Variants in NSMCE2 observed in about 807,000 individuals in gnomAD.
NSMCE2 encodes the protein NSE2 SUMO ligase component of SMC5/6 complex.
A neutral mutation model predicts 23.8 loss-of-function variants in NSMCE2; 24 were observed. That is an observed-to-expected ratio of 1.01 (90% CI 0.73 to 1.42). NSMCE2 has a LOEUF of 1.42. Among genes scored for constraint, NSMCE2 ranks in the 40% most tolerant of loss-of-function variants. NSMCE2 has a pLI of 0.00. For synonymous variants in NSMCE2, 92 were observed against 94.1 expected (o/e 0.98, Z 0.13); for missense variants, 284 against 296.5 (o/e 0.96, Z 0.31).
At chr8:125,167,590 G>A (rs1253499949) in intron 4 of NSMCE2, among the ~76,000 whole-genome samples, 4 of 151,974 alleles carry the variant, frequency 2.6e-5, no homozygotes, top group African/African-American at 9.7e-5. Context: ...AGCTGAGATC[G>A]TGCTACTGCA....
intron 5 of NSMCE2, among the ~76,000 whole-genome samples, chr8:125,260,140 C>G (rs1402076910): frequency 6.6e-6 from 1 of 152,192 alleles, no homozygotes; most frequent in African/African-American, 2.4e-5. Context: ...ACACACCCTA[C>G]TACACGACTC....
At chr8:125,313,739 G>T (rs1463809272) in intron 5 of NSMCE2, among the ~76,000 whole-genome samples, 1 of 152,160 alleles carries the variant, frequency 6.6e-6, no homozygotes, top group Non-Finnish European at 1.5e-5. Flanking sequence ...GACAAAGTGT[G>T]ACACTGTTCA....
chr8:125,156,161 G>A (rs1343735435), intron 4 of NSMCE2: 10 of 216,236 alleles, frequency 4.6e-5, no homozygotes, highest in South Asian at 4.4e-4. Flanking sequence ...TCAGAGTTTA[G>A]CAAAAGTAAC....
intron 5 of NSMCE2, among the ~76,000 whole-genome samples, chr8:125,345,923 A>T (rs566199078): frequency 3.9e-5 from 6 of 152,244 alleles, no homozygotes; most frequent in Non-Finnish European, 8.8e-5. Context: ...TGGGAGGCCA[A>T]GGCAGGCAGA....
chr8:125,194,892 T>G (rs1823539989), intron 5 of NSMCE2, among the ~76,000 whole-genome samples: 1 of 152,180 alleles, frequency 6.6e-6, no homozygotes. Context: ...TATTTAAATT[T>G]TTCATATAAT....
chr8:125,120,077 A>G (rs1477555132), intron 3 of NSMCE2, among the ~76,000 whole-genome samples: 5 of 152,228 alleles, frequency 3.3e-5, no homozygotes, highest in East Asian at 1.9e-4. Flanking sequence ...CATATAATCA[A>G]TATGAAAGTT....
At chr8:125,276,779 A>G (rs1472629859) in intron 5 of NSMCE2, among the ~76,000 whole-genome samples, 2 of 152,364 alleles carry the variant, frequency 1.3e-5, no homozygotes, top group East Asian at 1.9e-4. Flanking sequence ...AGACAAGCAA[A>G]TGGAATCTCA....
At chr8:125,169,924 G>T (rs1822092823) in intron 4 of NSMCE2, among the ~76,000 whole-genome samples, 2 of 151,230 alleles carry the variant, frequency 1.3e-5, no homozygotes, top group South Asian at 2.1e-4. Context: ...TCTACTGGGA[G>T]TGCTTTTTTT....
intron 5 of NSMCE2, among the ~76,000 whole-genome samples, chr8:125,309,248 C>CAAAAAAA (rs111355815): frequency 4.6e-5 from 3 of 65,518 alleles, no homozygotes; most frequent in Non-Finnish European, 7.4e-5. Context: ...AACTCTGTCT[C>CAAAAAAA]AAAAAAAAAA....
chr8:125,316,665 TC>T (rs1387998127), intron 5 of NSMCE2, among the ~76,000 whole-genome samples: 8 of 145,566 alleles, frequency 5.5e-5, no homozygotes, highest in Non-Finnish European at 1.1e-4. Flanking sequence ...TTTCCTTCCT[TC>T]CTTCTTTCCT....
chr8:125,212,194 T>C (rs568078104), intron 5 of NSMCE2, among the ~76,000 whole-genome samples: 2 of 152,224 alleles, frequency 1.3e-5, no homozygotes, highest in Non-Finnish European at 2.9e-5. Context: ...CTCAGGCTCT[T>C]TGCTACCGAC....
intron 5 of NSMCE2, among the ~76,000 whole-genome samples, chr8:125,290,511 C>G (rs1156527218): frequency 1.3e-5 from 2 of 152,032 alleles, no homozygotes; most frequent in African/African-American, 4.8e-5. Context: ...TTTGCCTGAC[C>G]ACCTGGCAGA....
chr8:125,259,888 C>T (rs1826613195), intron 5 of NSMCE2, among the ~76,000 whole-genome samples: 1 of 152,194 alleles, frequency 6.6e-6, no homozygotes, highest in South Asian at 2.1e-4. Flanking sequence ...CTTCTGACTT[C>T]TAGCTCTTTT....
At chr8:125,166,557 G>T (rs761243459) in intron 4 of NSMCE2, among the ~76,000 whole-genome samples, 6 of 152,158 alleles carry the variant, frequency 3.9e-5, no homozygotes, top group Non-Finnish European at 7.4e-5. Flanking sequence ...GTGAGCCACC[G>T]CGCCTGGCCC....
intron 4 of NSMCE2, among the ~76,000 whole-genome samples, chr8:125,181,374 G>A (rs531469364): frequency 6.6e-6 from 1 of 152,240 alleles, no homozygotes; most frequent in East Asian, 1.9e-4. Flanking sequence ...AAAGAACAGG[G>A]TTGAGAATGG....
At position 125,357,771 on chromosome 8, in the gene NSMCE2, C is replaced by A. The variant is rs111359849; in HGVS notation, c.579C>A (p.Ala193=). ...GTGGCCACACCTATGAAGAGGACGC[C>A]ATTGTTCGCATGATTGAGTCCAGGC... The part of the protein sequence containing the change: ...KVCGHTYEED[A]IVRMIESRQK... Residue 193 remains alanine (A), a synonymous_variant, in exon 7 of 8, where the codon GCC becomes GCA. Coordinates refer to ENST00000287437, the MANE Select transcript of NSMCE2 (RefSeq NM_173685.4). 1.1e-5 allele frequency: 18 copies of A among 1,614,130 alleles called. No homozygotes were observed. The highest frequency in any genetic ancestry group is 9.3e-5 in the African/African-American group (7 of 75,032).
chr8:125,242,587 A>G (rs1169557955), intron 5 of NSMCE2, among the ~76,000 whole-genome samples: 1 of 152,022 alleles, frequency 6.6e-6, no homozygotes, highest in Non-Finnish European at 1.5e-5. Flanking sequence ...GCTAAGGAGG[A>G]CCCTGCCTGG....
intron 5 of NSMCE2, among the ~76,000 whole-genome samples, chr8:125,205,472 C>T (rs1215064560): frequency 6.6e-6 from 1 of 152,160 alleles, no homozygotes; most frequent in Non-Finnish European, 1.5e-5. Context: ...GTAAAATGTT[C>T]TGTATCTGCT....
At chr8:125,095,622 C>T (rs1028993705) in intron 1 of NSMCE2, among the ~76,000 whole-genome samples, 21 of 150,880 alleles carry the variant, frequency 1.4e-4, no homozygotes, top group Non-Finnish European at 1.5e-5. Flanking sequence ...AGGCCAGGGG[C>T]AGTGGCTCAC....
Sources: allele counts gnomAD v4.1 joint callset (sites outside exome capture counted in the v4.1 genomes callset), GRCh38; gene constraint gnomAD v4.1.1; transcripts MANE v1.5; gene names NCBI Gene and HGNC (gene_info 2026-07-23, HGNC 2026-07-21).